Variants in SPIDR observed in about 807,000 individuals in gnomAD.
SPIDR encodes the protein DNA repair-scaffolding protein.
SPIDR carries 93 observed loss-of-function variants against 104.6 expected under a neutral mutation model. The observed-to-expected ratio is 0.89, with a 90% confidence interval of 0.75 to 1.06. SPIDR has a LOEUF of 1.06. Among genes scored for constraint, SPIDR ranks in the 50% least tolerant of loss-of-function variants. The pLI is 0.00. For synonymous variants in SPIDR, 431 were observed against 416.9 expected (o/e 1.03, Z -0.41); for missense variants, 1,154 against 1,111.2 (o/e 1.04, Z -0.55).
At chr8:47,589,510 GCATGACTCCATCT>G (rs1335387827) in intron 8 of SPIDR, among the ~76,000 whole-genome samples, 1 of 151,454 alleles carries the variant, frequency 6.6e-6, no homozygotes, top group African/African-American at 2.4e-5. Flanking sequence ...GGGCAACAGA[GCATGACTCCATCT>G]CAAAACAAAA....
chr8:47,366,908 G>A (rs1322977728), intron 5 of SPIDR, among the ~76,000 whole-genome samples: 1 of 152,180 alleles, frequency 6.6e-6, no homozygotes, highest in Non-Finnish European at 1.5e-5. Flanking sequence ...TTGATGCCAA[G>A]TTTTTGTTTT....
intron 8 of SPIDR, among the ~76,000 whole-genome samples, chr8:47,595,413 G>A (rs1045827462): frequency 6.6e-6 from 1 of 152,148 alleles, no homozygotes; most frequent in Admixed American, 6.5e-5. Flanking sequence ...GCATTTAATG[G>A]TATGTTCTTT....
At chr8:47,351,134 G>C (rs896547662) in intron 5 of SPIDR, among the ~76,000 whole-genome samples, 1 of 152,136 alleles carries the variant, frequency 6.6e-6, no homozygotes, top group Non-Finnish European at 1.5e-5. Flanking sequence ...CAAAATGCAA[G>C]AATAGTAATG....
intron 5 of SPIDR, among the ~76,000 whole-genome samples, chr8:47,382,655 C>T (rs1367102809): frequency 6.6e-6 from 1 of 152,192 alleles, no homozygotes; most frequent in African/African-American, 2.4e-5. Context: ...TCGTGATCCA[C>T]CCACCTCGGC....
intron 16 of SPIDR, 118 bp from the exon 17 acceptor site, chr8:47,727,082 C>T (rs1365550182): frequency 2.7e-6 from 2 of 740,894 alleles, no homozygotes; most frequent in African/African-American, 1.8e-5. Context: ...TGTATATAAA[C>T]TCCCAAGTAA....
chr8:47,336,767 T>C (rs910531690), intron 5 of SPIDR, among the ~76,000 whole-genome samples: 1 of 152,242 alleles, frequency 6.6e-6, no homozygotes, highest in Non-Finnish European at 1.5e-5. Flanking sequence ...TTTCAATATG[T>C]GTGCAGTTCT....
At chr8:47,425,480 A>G (rs535178304) in intron 7 of SPIDR, among the ~76,000 whole-genome samples, 2 of 152,332 alleles carry the variant, frequency 1.3e-5, no homozygotes, top group African/African-American at 4.8e-5. Flanking sequence ...AGGCTATGGA[A>G]GCGAGCTTCA....
At chr8:47,721,140 A>T (rs1487656175) in intron 16 of SPIDR, among the ~76,000 whole-genome samples, 3 of 152,180 alleles carry the variant, frequency 2.0e-5, no homozygotes, top group African/African-American at 7.2e-5. Flanking sequence ...TCTTTCACGA[A>T]TTGCATTTCT....
intron 10 of SPIDR, among the ~76,000 whole-genome samples, chr8:47,604,859 G>A (rs1309067353): frequency 2.0e-5 from 3 of 152,312 alleles, no homozygotes; most frequent in Middle Eastern, 3.4e-3. Context: ...CATACCTTAC[G>A]CCCAGAGGGT....
chr8:47,542,170 C>CT (rs56074927), intron 8 of SPIDR, among the ~76,000 whole-genome samples: 16,313 of 139,346 alleles, frequency 0.12, 1,319 homozygotes, highest in African/African-American at 0.24. Flanking sequence ...CTGTCATTTT[C>CT]TTTTTTTTTT....
intron 8 of SPIDR, among the ~76,000 whole-genome samples, chr8:47,569,994 G>A (rs554119497): frequency 6.6e-6 from 1 of 152,100 alleles, no homozygotes; most frequent in Admixed American, 6.5e-5. Context: ...GGTTAAGAAG[G>A]CAATACTCAC....
intron 11 of SPIDR, among the ~76,000 whole-genome samples, chr8:47,698,559 G>T (rs2079676533): frequency 6.6e-6 from 1 of 152,172 alleles, no homozygotes; most frequent in African/African-American, 2.4e-5. Context: ...GCTAAGCATT[G>T]TGCATTAAAT....
At chr8:47,530,682 T>C (rs1223635063) in intron 8 of SPIDR, among the ~76,000 whole-genome samples, 2 of 152,104 alleles carry the variant, frequency 1.3e-5, no homozygotes, top group African/African-American at 4.8e-5. Context: ...CTGTAGACTT[T>C]ATATAAACAC....
At chr8:47,715,171 T>G (rs988792335) in intron 16 of SPIDR, among the ~76,000 whole-genome samples, 1 of 151,790 alleles carries the variant, frequency 6.6e-6, no homozygotes, top group African/African-American at 2.4e-5. Flanking sequence ...GGGGGTTTTT[T>G]GTTTTTGTTT....
At chr8:47,338,609 T>G (rs1012374345) in intron 5 of SPIDR, among the ~76,000 whole-genome samples, 5 of 152,200 alleles carry the variant, frequency 3.3e-5, no homozygotes. Context: ...AACTTAGAGA[T>G]GGTGCCTGGA....
chr8:47,648,432 T>G (rs933480109), intron 10 of SPIDR, among the ~76,000 whole-genome samples: 1 of 152,210 alleles, frequency 6.6e-6, no homozygotes, highest in African/African-American at 2.4e-5. Context: ...AACCCTGTCA[T>G]GTTTGATCAG....
intron 9 of SPIDR, among the ~76,000 whole-genome samples, chr8:47,598,015 T>C (rs1484533572): frequency 6.6e-6 from 1 of 151,764 alleles, no homozygotes; most frequent in African/African-American, 2.4e-5. Flanking sequence ...GCAAAATCTC[T>C]CTTTGACTAT....
At chr8:47,458,837 C>T (rs1188756696) in intron 8 of SPIDR, among the ~76,000 whole-genome samples, 11 of 151,878 alleles carry the variant, frequency 7.2e-5, no homozygotes, top group Admixed American at 7.2e-4. Flanking sequence ...AAAAGGGATG[C>T]CAGATTTTGA....
In SPIDR at chr8:47,294,030, G is replaced by C. The variant is rs1586474380; in HGVS notation, c.525G>C (p.Lys175Asn). The C allele has an allele frequency of 6.2e-7, 1 of 1,610,802 alleles. No homozygotes were observed. The highest frequency in any genetic ancestry group is 2.2e-5 in the East Asian group (1 of 44,842). The change falls in exon 5 of 20, where the codon AAG becomes AAC. Residue 175 changes from lysine (K) to asparagine (N), a missense_variant and splice_region_variant. Transcript: ENST00000297423. ...TSDEKLSELP[K>N]PSSIEILEYS... The stretch of plus-strand genomic sequence containing the variant: ...ATGAGAAGCTGTCGGAGCTTCCCAA[G>C]GTAAGAATGAAGTATTTCAAAACTT...
Sources: gnomAD v4.1 joint callset for allele counts (sites outside exome capture counted in the v4.1 genomes callset) on GRCh38, gnomAD v4.1.1 for gene constraint, MANE v1.5 for transcripts, NCBI Gene and HGNC (gene_info 2026-07-23, HGNC 2026-07-21) for gene names.